CTXND2: variants seen among roughly 807,000 people sequenced by gnomAD.
CTXND2 encodes the protein cortexin domain containing 2.
Position 150,890,494 on chromosome 1 carries a change from T to TTTTA in CTXND2, c.-74+3204_-74+3207dup, listed in dbSNP as rs587751897. 1.0e-3 allele frequency among the ~76,000 whole-genome samples: 159 copies of TTTTA among 152,142 alleles called. 1 individual carries two copies. The highest frequency in any genetic ancestry group is 3.4e-3 in the Middle Eastern group (1 of 292). On this transcript the variant is annotated intron_variant, in intron 1 of 1. Coordinates refer to ENST00000636087, the Ensembl canonical transcript of CTXND2. ...TTTAAAGTTTCCTTCCAATGTGAGA[T>TTTTA]TTTATTTATTTATTTATTTATTTAT...
intron 1 of CTXND2, among the ~76,000 whole-genome samples, chr1:150,898,931 A>ATATAT (rs1553235144): frequency 7.2e-6 from 1 of 139,098 alleles, no homozygotes; most frequent in Middle Eastern, 3.6e-3. Context: ...CAAAAAAAAA[A>ATATAT]ATATATATAT....
At chr1:150,906,770 T>C (rs2102602899) in intron 1 of CTXND2, among the ~76,000 whole-genome samples, 1 of 152,264 alleles carries the variant, frequency 6.6e-6, no homozygotes, top group South Asian at 2.1e-4. Flanking sequence ...GGACTTCAGG[T>C]GTCTCCGAAG....
At chr1:150,904,682 A>G (rs1251690289) in intron 1 of CTXND2, among the ~76,000 whole-genome samples, 3 of 152,200 alleles carry the variant, frequency 2.0e-5, no homozygotes, top group East Asian at 1.9e-4. Context: ...TCTACTTTAT[A>G]TTTTTGGCCT....
At chr1:150,890,145 T>C (rs1211398936) in intron 1 of CTXND2, among the ~76,000 whole-genome samples, 2 of 152,122 alleles carry the variant, frequency 1.3e-5, no homozygotes, top group African/African-American at 4.8e-5. Flanking sequence ...AAAAGGAATA[T>C]AGACACACTA....
intron 1 of CTXND2, among the ~76,000 whole-genome samples, chr1:150,902,999 A>T (rs1669068813): frequency 6.6e-6 from 1 of 152,084 alleles, no homozygotes; most frequent in African/African-American, 2.4e-5. Flanking sequence ...ATATTTCAAA[A>T]ATTGTCTAGC....
intron 1 of CTXND2, among the ~76,000 whole-genome samples, chr1:150,904,906 C>G (rs1395201462): frequency 6.6e-6 from 1 of 152,044 alleles, no homozygotes; most frequent in Non-Finnish European, 1.5e-5. Flanking sequence ...TTAGGATAGT[C>G]TTTAAACAGC....
At chr1:150,906,210 G>A (rs1669144103) in intron 1 of CTXND2, among the ~76,000 whole-genome samples, 1 of 151,650 alleles carries the variant, frequency 6.6e-6, no homozygotes, top group African/African-American at 2.4e-5. Context: ...GAGGCAGGAG[G>A]ATCACTTGAG....
chr1:150,903,956 G>C, intron 1 of CTXND2: 1 of 649,116 alleles, frequency 1.5e-6, no homozygotes, highest in Non-Finnish European at 2.9e-6. Context: ...GTGTCACACC[G>C]TGGAAAAGGG....
At chr1:150,912,400 T>C (rs763185734) in exon 2 of CTXND2, 51 of 398,464 alleles carry the variant, frequency 1.3e-4, no homozygotes, top group Non-Finnish European at 2.1e-4. Flanking sequence ...CTGTTCCTAA[T>C]AGTGATGATT....
chr1:150,911,091 A>T (rs1382262851), intron 1 of CTXND2, among the ~76,000 whole-genome samples: 1 of 150,928 alleles, frequency 6.6e-6, no homozygotes, highest in African/African-American at 2.4e-5. Flanking sequence ...GGCATGAGCC[A>T]TCGTGCCTGG....
In CTXND2 at chr1:150,890,607, G is replaced by A. The variant is rs587686392; in HGVS notation, c.-74+3294G>A. Among the ~76,000 whole-genome samples the A allele has an allele frequency of 5.0e-4, 76 of 152,162 alleles. 1 individual carries two copies. The South Asian group carries it at 7.7e-3, about 15-fold the overall frequency. On this transcript the variant is annotated intron_variant, in intron 1 of 1. Coordinates refer to ENST00000636087, the Ensembl canonical transcript of CTXND2. ...CAACCTCTGCCTCCCGGGTTCAAGCGATTATCCTGCCTCAGCCTCCCAAGT... is the reference window on the plus strand; with the variant it reads ...CAACCTCTGCCTCCCGGGTTCAAGCAATTATCCTGCCTCAGCCTCCCAAGT...
At chr1:150,899,284 A>T (rs1668961104) in intron 1 of CTXND2, among the ~76,000 whole-genome samples, 1 of 151,876 alleles carries the variant, frequency 6.6e-6, no homozygotes, top group African/African-American at 2.4e-5. Flanking sequence ...AATTTTTTTT[A>T]AAAATTTTAG....
At chr1:150,888,219 A>AT (rs35992777) in intron 1 of CTXND2, among the ~76,000 whole-genome samples, 10,117 of 75,152 alleles carry the variant, frequency 0.13, 482 homozygotes, top group Non-Finnish European at 0.2. Flanking sequence ...TACCTAATTT[A>AT]TTTTTTTTTT....
At chr1:150,906,268 C>T (rs997643157) in intron 1 of CTXND2, among the ~76,000 whole-genome samples, 2 of 152,096 alleles carry the variant, frequency 1.3e-5, no homozygotes, top group Non-Finnish European at 2.9e-5. Context: ...CACTGCACTC[C>T]AGCCTGGGTG....
chr1:150,907,899 T>C (rs587655833), intron 1 of CTXND2, among the ~76,000 whole-genome samples: 6 of 151,996 alleles, frequency 3.9e-5, no homozygotes, highest in Non-Finnish European at 8.8e-5. Context: ...TTAGTAGAGA[T>C]GGGGTTTCAC....
intron 1 of CTXND2, chr1:150,903,983 G>A: frequency 1.5e-6 from 1 of 646,452 alleles, no homozygotes; most frequent in Non-Finnish European, 2.9e-6. Flanking sequence ...GCACAAGACT[G>A]GGCCTAATCT....
At chr1:150,900,263 C>T (rs1056642764) in intron 1 of CTXND2, among the ~76,000 whole-genome samples, 2 of 151,972 alleles carry the variant, frequency 1.3e-5, no homozygotes, top group South Asian at 2.1e-4. Flanking sequence ...CCGAGAGGAA[C>T]GAACAACTCC....
At chr1:150,909,950 T>G (rs1669220288) in intron 1 of CTXND2, among the ~76,000 whole-genome samples, 1 of 152,078 alleles carries the variant, frequency 6.6e-6, no homozygotes, top group South Asian at 2.1e-4. Flanking sequence ...TTGTGACCAA[T>G]GAGGGGTCTT....
chr1:150,912,607 A>G (rs750484525), exon 2 of CTXND2: 15 of 396,992 alleles, frequency 3.8e-5, no homozygotes, highest in Non-Finnish European at 6.2e-5. Flanking sequence ...GAGATGAAAC[A>G]CAAGCCAGTT....
Sources: gnomAD v4.1 joint callset for allele counts (sites outside exome capture counted in the v4.1 genomes callset) on GRCh38, gnomAD v4.1.1 for gene constraint, MANE v1.5 for transcripts, NCBI Gene and HGNC (gene_info 2026-07-23, HGNC 2026-07-21) for gene names.